The following BEND7 variants were observed in gnomAD, a reference collection of about 807,000 sequenced individuals.
BEND7 encodes the protein BEN domain containing 7, also known as BEN domain-containing protein 7.
Under a neutral mutation model 50.9 loss-of-function variants are expected in BEND7, and 28 were observed. The observed-to-expected ratio is 0.55, with a 90% CI of 0.41 to 0.75. BEND7 has a LOEUF of 0.75. Ranked by LOEUF, BEND7 falls within the 30% of genes least tolerant of loss-of-function variation. The pLI, the probability that BEND7 is intolerant of heterozygous loss-of-function variation, is 0.00. For synonymous variants in BEND7, 170 were observed against 183.9 expected (o/e 0.92, Z 0.61); for missense variants, 477 against 491.3 (o/e 0.97, Z 0.28).
intron 6 of BEND7, among the ~76,000 whole-genome samples, chr10:13,467,987 T>G (rs946858): frequency 0.66 from 100,883 of 151,936 alleles, 33,878 homozygotes; most frequent in East Asian, 0.86. Context: ...AGTCTTGTTG[T>G]GAAGACAAGA....
At chr10:13,508,584 G>A (rs1256513437) in intron 2 of BEND7, among the ~76,000 whole-genome samples, 4 of 152,202 alleles carry the variant, frequency 2.6e-5, no homozygotes, top group African/African-American at 9.6e-5. Flanking sequence ...ACGTGCTTGA[G>A]GGTCCTGTTC....
At chr10:13,442,086 T>C (rs543920012) in intron 8 of BEND7, 11 of 282,752 alleles carry the variant, frequency 3.9e-5, no homozygotes, top group Middle Eastern at 1.1e-3. Flanking sequence ...CATGAATACC[T>C]TGGACAGGGT....
chr10:13,447,341 A>G lies in BEND7; in HGVS notation c.1184-25T>C, dbSNP rs367772653. ...TCTGCTGGTTACAAACATAAGACAC[A>G]AATCTCATTAGTTCCAGGGAGCACA... On this transcript the variant is annotated intron_variant, in intron 7 of 8. Coordinates refer to ENST00000466271, the MANE Select transcript of BEND7 (RefSeq NM_001369863.1). 191 of 1,613,326 alleles carry G rather than the reference A, an allele frequency of 1.2e-4. No individual in the cohort carries two copies. The East Asian group carries it at 3.8e-3, about 32-fold the overall frequency.
At chr10:13,467,007 G>A (rs1042982957) in intron 6 of BEND7, among the ~76,000 whole-genome samples, 11 of 152,326 alleles carry the variant, frequency 7.2e-5, no homozygotes, top group East Asian at 3.9e-4. Context: ...GAAGGCGGGT[G>A]CGGGGCAGGG....
At chr10:13,447,129 A>G (rs905348041) in intron 8 of BEND7, 137 bp downstream of exon 8, 3 of 839,702 alleles carry the variant, frequency 3.6e-6, no homozygotes, top group East Asian at 5.1e-5. Context: ...AGAAGCTCCA[A>G]TGACGGGGCC....
At chr10:13,448,573 C>T (rs947013638) in intron 7 of BEND7, among the ~76,000 whole-genome samples, 2 of 152,216 alleles carry the variant, frequency 1.3e-5, no homozygotes, top group African/African-American at 2.4e-5. Context: ...CATCCTCCAA[C>T]ATCTTGTCCT....
chr10:13,481,246 T>G, intron 5 of BEND7, 122 bp from the exon 6 acceptor site: 2 of 899,546 alleles, frequency 2.2e-6, no homozygotes, highest in South Asian at 3.6e-5. Context: ...ATGAAAACAC[T>G]CTTGGCTTTC....
intron 2 of BEND7, among the ~76,000 whole-genome samples, chr10:13,513,778 T>A (rs1328297763): frequency 6.6e-6 from 1 of 152,228 alleles, no homozygotes; most frequent in Non-Finnish European, 1.5e-5. Context: ...ATCCCCAGGA[T>A]GGAGCTGCAG....
intron 6 of BEND7, among the ~76,000 whole-genome samples, chr10:13,476,913 T>C (rs1470015545): frequency 6.6e-6 from 1 of 152,238 alleles, no homozygotes; most frequent in African/African-American, 2.4e-5. Flanking sequence ...CCTTGAGTCA[T>C]ACTTATCAAT....
At chr10:13,507,053 C>T (rs907047992) in intron 2 of BEND7, among the ~76,000 whole-genome samples, 15 of 152,102 alleles carry the variant, frequency 9.9e-5, no homozygotes, top group African/African-American at 2.2e-4. Context: ...GTTTTATCCA[C>T]GAGTAGGCTG....
Position 13,441,727 on chromosome 10 carries a change from G to T in BEND7, c.*16C>A. 1 of 1,614,002 alleles carries T rather than the reference G, an allele frequency of 6.2e-7. No individual in the cohort carries two copies. The highest frequency in any genetic ancestry group is 1.1e-5 in the South Asian group (1 of 91,044). Reference sequence around the variant, plus strand: ...ATGGTGCAAAAAACACAAGAGCTGTGGTTTGCAGTCCTTCATCAGACCACT... The same window carrying T: ...ATGGTGCAAAAAACACAAGAGCTGTTGTTTGCAGTCCTTCATCAGACCACT... On this transcript the variant is annotated 3_prime_UTR_variant, in exon 9 of 9. Transcript: ENST00000466271.
chr10:13,524,194 G>T (rs1398689584), intron 2 of BEND7, among the ~76,000 whole-genome samples: 1 of 152,104 alleles, frequency 6.6e-6, no homozygotes, highest in Admixed American at 6.6e-5. Flanking sequence ...CACTTTTCTA[G>T]TAGTACACAA....
intron 2 of BEND7, among the ~76,000 whole-genome samples, chr10:13,510,782 T>C (rs935429871): frequency 3.3e-5 from 5 of 152,186 alleles, no homozygotes; most frequent in African/African-American, 1.2e-4. Context: ...AATAGCATAA[T>C]TCTATTTTCT....
intron 6 of BEND7, among the ~76,000 whole-genome samples, chr10:13,463,267 T>C (rs2073896950): frequency 6.6e-6 from 1 of 152,194 alleles, no homozygotes; most frequent in African/African-American, 2.4e-5. Context: ...ATTTATGGGT[T>C]AGAAGAACCC....
chr10:13,448,632 T>A (rs1177609111), intron 7 of BEND7, among the ~76,000 whole-genome samples: 2 of 152,196 alleles, frequency 1.3e-5, no homozygotes, highest in African/African-American at 4.8e-5. Context: ...TCTGCTGACC[T>A]GCTAGATCCA....
At chr10:13,514,585 G>C (rs1229239724) in intron 2 of BEND7, among the ~76,000 whole-genome samples, 1 of 136,134 alleles carries the variant, frequency 7.3e-6, no homozygotes, top group South Asian at 2.2e-4. Flanking sequence ...GTAAACCAGG[G>C]AAGTTGGGTC....
chr10:13,522,855 G>C (rs952678358), intron 2 of BEND7, among the ~76,000 whole-genome samples: 1 of 152,164 alleles, frequency 6.6e-6, no homozygotes, highest in Non-Finnish European at 1.5e-5. Context: ...AGGTCACCTC[G>C]ACATCTCTAG....
intron 5 of BEND7, among the ~76,000 whole-genome samples, chr10:13,488,782 C>T (rs12243270): frequency 0.18 from 27,317 of 152,178 alleles, 4,278 homozygotes; most frequent in African/African-American, 0.43. Context: ...CCACCGCGCC[C>T]GGCCTAAATA....
At chr10:13,485,448 A>G (rs1274216218) in intron 5 of BEND7, among the ~76,000 whole-genome samples, 1 of 152,154 alleles carries the variant, frequency 6.6e-6, no homozygotes, top group Non-Finnish European at 1.5e-5. Flanking sequence ...ACTAGGTCAT[A>G]TGCTGGTGGG....
Sources: gnomAD v4.1 joint callset for allele counts (sites outside exome capture counted in the v4.1 genomes callset) on GRCh38, gnomAD v4.1.1 for gene constraint, MANE v1.5 for transcripts, NCBI Gene and HGNC (gene_info 2026-07-23, HGNC 2026-07-21) for gene names.